ZNF273: variants seen among roughly 807,000 people sequenced by gnomAD.
ZNF273 encodes zinc finger protein 273.
ZNF273 carries 11 observed loss-of-function variants against 14.9 expected under a neutral mutation model. The observed-to-expected ratio is 0.74, with a 90% CI of 0.46 to 1.22. The LOEUF (loss-of-function observed/expected upper bound fraction) is 1.22. Ranked by LOEUF, ZNF273 falls within the 50% of genes most tolerant of loss-of-function variation. The probability of loss-of-function intolerance (pLI) is 0.00; values close to 1 mark genes in which losing one functional copy is unlikely to be tolerated. For synonymous variants in ZNF273, 199 were observed against 223.9 expected, an observed-to-expected ratio of 0.89 and a Z score of 0.99; for missense variants, 577 against 660.6, an observed-to-expected ratio of 0.87 and a Z score of 1.39.
chr7:64,926,298 G>C (rs1287805216), intron 3 of ZNF273, among the ~76,000 whole-genome samples: 2 of 151,832 alleles, frequency 1.3e-5, no homozygotes, highest in Non-Finnish European at 2.9e-5. Flanking sequence ...AGATTGTCTT[G>C]CCTGTGACTG....
chr7:64,894,536 C>T (rs1051561082), downstream of ZNF273, among the ~76,000 whole-genome samples: 2 of 151,472 alleles, frequency 1.3e-5, no homozygotes, highest in African/African-American at 4.9e-5. Flanking sequence ...AAAAGATTGG[C>T]TTTTTAAAAA....
downstream of ZNF273, among the ~76,000 whole-genome samples, chr7:64,880,575 C>CT (rs1028896743): frequency 9.3e-5 from 14 of 150,886 alleles, no homozygotes; most frequent in African/African-American, 2.4e-4. Context: ...CACTGCAGCC[C>CT]TTTTTTTTTC....
chr7:64,925,745 A>G (rs1794738408), intron 3 of ZNF273, among the ~76,000 whole-genome samples: 1 of 152,076 alleles, frequency 6.6e-6, no homozygotes. Flanking sequence ...GCTGCATACA[A>G]AGTTTTTTCC....
downstream of ZNF273, among the ~76,000 whole-genome samples, chr7:64,932,731 G>A (rs191656398): frequency 2.1e-3 from 318 of 152,120 alleles, no homozygotes; most frequent in African/African-American, 7.1e-3. Flanking sequence ...AAACCAGCCC[G>A]GCCAACATGG....
chr7:64,912,826 G>GTTTTTTTTTGTT, intron 1 of ZNF273, among the ~76,000 whole-genome samples: 1 of 36,576 alleles, frequency 2.7e-5, no homozygotes, highest in Non-Finnish European at 5.7e-5. Context: ...ATTCATTTTA[G>GTTTTTTTTTGTT]TTTTTTTTTT....
At position 64,928,214 on chromosome 7, in the gene ZNF273, G is replaced by A; in HGVS notation, c.886G>A (p.Gly296Ser). 1 of 1,613,396 alleles carries A rather than the reference G, an allele frequency of 6.2e-7. No individual in the cohort carries two copies. Among genetic ancestry groups the A allele is most frequent in the East Asian group, 2.2e-5 (1 of 44,794 alleles). Residue 296 changes from glycine (G) to serine (S), a missense_variant, in exon 4 of 4, where the codon GGC becomes AGC. By Grantham distance (56) the Gly-to-Ser change is moderately conservative. Transcript: ENST00000476120. The stretch of plus-strand genomic sequence containing the variant: ...GAAACCTTACAAATGTGAAGATTGT[G>A]GCAAAGTCTTTAGTGTATTTTCAGT... Reference protein sequence around the residue: ...EEKPYKCEDCGKVFSVFSVLT... With the variant: ...EEKPYKCEDCSKVFSVFSVLT...
At chr7:64,887,222 G>A (rs769930739) in intron 1 of ZNF273, among the ~76,000 whole-genome samples, 15 of 152,198 alleles carry the variant, frequency 9.9e-5, no homozygotes, top group East Asian at 1.9e-4. Context: ...ATGTGTGCAC[G>A]TGCAAGTCTT....
At chr7:64,884,740 C>T (rs1398727395) in intron 1 of ZNF273, among the ~76,000 whole-genome samples, 1 of 152,216 alleles carries the variant, frequency 6.6e-6, no homozygotes, top group Non-Finnish European at 1.5e-5. Context: ...GATTCTTGCA[C>T]ACAGACTCTT....
exon 2 of ZNF273, chr7:64,888,656 CA>C: frequency 1.0e-6 from 1 of 985,856 alleles, no homozygotes; most frequent in Non-Finnish European, 1.2e-6. Flanking sequence ...TGCCCCTGAC[CA>C]GGGGGCCGCG....
chr7:64,880,831 C>T (rs1036111784), downstream of ZNF273, among the ~76,000 whole-genome samples: 1 of 152,136 alleles, frequency 6.6e-6, no homozygotes, highest in Non-Finnish European at 1.5e-5. Flanking sequence ...GGGCCAGACC[C>T]CAGCAGTCCT....
chr7:64,903,557 G>A, intron 1 of ZNF273, 138 bp downstream of exon 1: 3 of 908,650 alleles, frequency 3.3e-6, no homozygotes, highest in Non-Finnish European at 3.5e-6. Flanking sequence ...GGCGCAGCTC[G>A]GCCCTCAGTC....
Position 64,928,460 on chromosome 7 carries a change from G to T in ZNF273, c.1132G>T (p.Glu378Ter), listed in dbSNP as rs1440572340. The T allele has an allele frequency of 1.2e-6, 2 of 1,613,644 alleles. No individual in the cohort carries two copies. Among genetic ancestry groups the T allele is most frequent in the Non-Finnish European group, 8.5e-7 (1 of 1,179,918 alleles). ...TGGAGAGAAACCCTACAAATGTGAA[G>T]AATGTGGCAAAGCTTTTAACCAGTC... ...HTGEKPYKCE[E>*]CGKAFNQSST... The change falls in exon 4 of 4, where the codon GAA becomes TAA. Residue 378 changes from glutamate (E) to a stop codon, truncating the protein, a stop_gained. Coordinates refer to ENST00000476120, the MANE Select transcript of ZNF273 (RefSeq NM_021148.3). LOFTEE classifies it high-confidence loss of function.
chr7:64,888,280 G>A, intron 1 of ZNF273: 2 of 985,100 alleles, frequency 2.0e-6, no homozygotes, highest in Non-Finnish European at 2.4e-6. Context: ...GTCTCTATGG[G>A]GGTCCTTCCT....
chr7:64,925,833 A>G (rs190443360), intron 3 of ZNF273, among the ~76,000 whole-genome samples: 1 of 151,844 alleles, frequency 6.6e-6, no homozygotes, highest in Non-Finnish European at 1.5e-5. Flanking sequence ...ACAGTTGTTT[A>G]TAACAATTTC....
intron 1 of ZNF273, among the ~76,000 whole-genome samples, chr7:64,915,065 A>T (rs1793868940): frequency 6.6e-6 from 1 of 151,818 alleles, no homozygotes; most frequent in South Asian, 2.1e-4. Flanking sequence ...TATTTTAACT[A>T]CTTTAAAAAA....
Position 64,916,488 on chromosome 7 carries a change from T to C in ZNF273, c.103-1093T>C, listed in dbSNP as rs1040147025. Reference sequence around the variant, plus strand: ...TGAATTCGGGAGGCGAAGATTGCACTGAGCCGAGATCACACCATTGCACTC... The same window carrying C: ...TGAATTCGGGAGGCGAAGATTGCACCGAGCCGAGATCACACCATTGCACTC... On this transcript the variant is annotated intron_variant, in intron 1 of 3. Transcript: ENST00000476120. Among the ~76,000 whole-genome samples the C allele has an allele frequency of 2.9e-5, 4 of 139,394 alleles. No individual in the cohort carries two copies. The South Asian group carries it at 8.8e-4, about 31-fold the overall frequency. 91.4% of individuals were successfully genotyped at this position (139,394 alleles called of 152,430 possible). A position where few individuals can be genotyped will look rare whatever the true frequency, so the allele number is the denominator to read the frequency against.
At chr7:64,893,272 C>T (rs1792146749), downstream of ZNF273, 1 of 151,980 alleles carries the variant, frequency 6.6e-6, no homozygotes, top group African/African-American at 2.4e-5. Flanking sequence ...ATAACCCTTT[C>T]CAAAAGTGTA....
intron 1 of ZNF273, among the ~76,000 whole-genome samples, chr7:64,912,834 T>TGTTGTTGTG (rs1294983195): frequency 2.0e-5 from 2 of 100,018 alleles, no homozygotes; most frequent in African/African-American, 3.3e-5. Flanking sequence ...TAGTTTTTTT[T>TGTTGTTGTG]TTTTTTTTTT....
At position 64,917,562 on chromosome 7, in the gene ZNF273, G is replaced by T. The variant is rs571556570; in HGVS notation, c.103-19G>T. On this transcript the variant is annotated intron_variant, in intron 1 of 3. Transcript: ENST00000476120. Reference sequence around the variant, plus strand: ...AGAGCAAGTTGGTAAATATGTTTTTGTGTGTGTGTGTTTTTCAGGGACCAC... The same window carrying T: ...AGAGCAAGTTGGTAAATATGTTTTTTTGTGTGTGTGTTTTTCAGGGACCAC... 3.0e-5 allele frequency: 46 copies of T among 1,532,362 alleles called. No homozygotes were observed. The highest frequency in any genetic ancestry group is 8.3e-5 in the African/African-American group (6 of 72,394). 94.9% of individuals were successfully genotyped at this position (1,532,362 alleles called of 1,614,324 possible). A position where few individuals can be genotyped will look rare whatever the true frequency, so the allele number is the denominator to read the frequency against.
Sources: allele counts gnomAD v4.1 joint callset (sites outside exome capture counted in the v4.1 genomes callset), GRCh38; gene constraint gnomAD v4.1.1; transcripts MANE v1.5; gene names NCBI Gene and HGNC (gene_info 2026-07-23, HGNC 2026-07-21).